PARN: variants seen among roughly 807,000 people sequenced by gnomAD.
PARN encodes poly(A)-specific ribonuclease PARN.
PARN carries 71 observed loss-of-function variants against 102.8 expected under a neutral mutation model. The observed-to-expected ratio is 0.69, with a 90% CI of 0.57 to 0.84. The LOEUF is 0.84. PARN is among the 40% of genes least tolerant of loss of function. PARN has a pLI of 0.00. For missense variants in PARN, 782 were observed against 760.9 expected (o/e 1.03, Z -0.33); for synonymous variants, 261 against 252.9 (o/e 1.03, Z -0.30).
chr16:14,554,012 T>C (rs1245749086), intron 20 of PARN, 53 bp downstream of exon 20: 15 of 1,130,136 alleles, frequency 1.3e-5, no homozygotes, highest in Non-Finnish European at 2.0e-5. Flanking sequence ...TCTGACCACC[T>C]ATACCAAATG....
In PARN at chr16:14,622,840, G is replaced by A. The variant is rs189526210; in HGVS notation, c.327+4266C>T. Among the ~76,000 whole-genome samples, 762 of 152,252 alleles carry A rather than the reference G, an allele frequency of 5.0e-3. 4 individuals are homozygous for A. The highest frequency in any genetic ancestry group is 0.048 in the Middle Eastern group (14 of 294). On this transcript the variant is annotated intron_variant, in intron 5 of 23. Transcript: ENST00000437198. ...CAATGTAAGCCTGGCGCAGTGGTAC[G>A]TGCTTGTAATCCCAGCACTTTGGGA... is the stretch of plus-strand genomic sequence containing the variant.
In PARN at chr16:14,504,649, A is replaced by C. The variant is rs570750792; in HGVS notation, c.1481-21822T>G. On this transcript the variant is annotated intron_variant, in intron 21 of 23. Coordinates refer to ENST00000437198, the MANE Select transcript of PARN (RefSeq NM_002582.4). ...ATACGCTTTCAAAGCAATAATAACC[A>C]AACAAAATATAATCAATAAATTCTC... is the stretch of plus-strand genomic sequence containing the variant. Among the ~76,000 whole-genome samples, 22 of 152,334 alleles carry C rather than the reference A, an allele frequency of 1.4e-4. No individual in the cohort carries two copies. In the South Asian group the frequency reaches 3.3e-3, roughly 23 times the overall value.
intron 5 of PARN, among the ~76,000 whole-genome samples, chr16:14,623,078 T>C (rs1278629128): frequency 1.3e-5 from 2 of 151,526 alleles, no homozygotes; most frequent in Non-Finnish European, 2.9e-5. Flanking sequence ...CACTCTAGCC[T>C]TGGTGACAGA....
intron 22 of PARN, among the ~76,000 whole-genome samples, chr16:14,451,229 T>A (rs1961430482): frequency 6.6e-6 from 1 of 152,218 alleles, no homozygotes; most frequent in Admixed American, 6.5e-5. Flanking sequence ...AAGACCCTAC[T>A]GCCCATCTCC....
intron 2 of PARN, among the ~76,000 whole-genome samples, chr16:14,628,647 T>G (rs1265682475): frequency 1.3e-5 from 2 of 152,226 alleles, no homozygotes; most frequent in Non-Finnish European, 2.9e-5. Context: ...GTGGTTAATA[T>G]CTATGCAAAG....
intron 5 of PARN, among the ~76,000 whole-genome samples, chr16:14,620,792 C>G (rs144645129): frequency 1.3e-5 from 2 of 152,128 alleles, no homozygotes; most frequent in African/African-American, 4.8e-5. Context: ...CTATGGACCA[C>G]GGAATGACTG....
intron 22 of PARN, among the ~76,000 whole-genome samples, chr16:14,475,483 G>A (rs1962990544): frequency 6.6e-6 from 1 of 152,158 alleles, no homozygotes; most frequent in South Asian, 2.1e-4. Flanking sequence ...AGTTTCTCCA[G>A]AACCCAAGCC....
At chr16:14,523,570 G>T (rs1965848358) in intron 21 of PARN, among the ~76,000 whole-genome samples, 1 of 152,194 alleles carries the variant, frequency 6.6e-6, no homozygotes, top group Admixed American at 6.5e-5. Context: ...CACAGTCAGA[G>T]AAGTCTATCC....
At chr16:14,560,262 A>G (rs1967969312) in intron 18 of PARN, among the ~76,000 whole-genome samples, 1 of 152,282 alleles carries the variant, frequency 6.6e-6, no homozygotes, top group South Asian at 2.1e-4. Flanking sequence ...AATCTCTCCC[A>G]GAAGGACTTT....
chr16:14,569,118 A>G (rs978707204), intron 18 of PARN, among the ~76,000 whole-genome samples: 1 of 151,820 alleles, frequency 6.6e-6, no homozygotes, highest in African/African-American at 2.4e-5. Flanking sequence ...AGGCTGAGGC[A>G]TGAGAATTGC....
At chr16:14,536,841 T>G (rs1473715729) in intron 21 of PARN, among the ~76,000 whole-genome samples, 8 of 152,080 alleles carry the variant, frequency 5.3e-5, no homozygotes, top group Admixed American at 5.2e-4. Context: ...ACTATAAAAC[T>G]ACTAGAAGAA....
intron 14 of PARN, among the ~76,000 whole-genome samples, chr16:14,585,731 G>A (rs545993127): frequency 2.6e-5 from 4 of 152,166 alleles, no homozygotes; most frequent in Admixed American, 6.5e-5. Flanking sequence ...AGACAGACAA[G>A]AGCCATCTCA....
chr16:14,469,221 C>T (rs762754199), intron 22 of PARN, among the ~76,000 whole-genome samples: 7 of 151,986 alleles, frequency 4.6e-5, no homozygotes, highest in Admixed American at 1.3e-4. Context: ...CGCTTGAACC[C>T]GGGAGGCGGA....
intron 5 of PARN, among the ~76,000 whole-genome samples, chr16:14,621,222 T>C (rs754830069): frequency 5.3e-5 from 8 of 152,194 alleles, no homozygotes; most frequent in Non-Finnish European, 1.0e-4. Flanking sequence ...GGAGTGTTCT[T>C]ATAACTCTGC....
intron 22 of PARN, among the ~76,000 whole-genome samples, chr16:14,474,929 C>T (rs1242934999): frequency 6.6e-6 from 1 of 152,182 alleles, no homozygotes; most frequent in Admixed American, 6.5e-5. Context: ...TTTTCCTCAC[C>T]TTCTAATGTA....
At chr16:14,563,732 A>T (rs1968254941) in intron 18 of PARN, among the ~76,000 whole-genome samples, 1 of 151,422 alleles carries the variant, frequency 6.6e-6, no homozygotes, top group African/African-American at 2.4e-5. Flanking sequence ...CAATTATATA[A>T]CTAGTATAAT....
At chr16:14,558,425 G>A (rs1220006816) in intron 18 of PARN, 1 of 152,080 alleles carries the variant, frequency 6.6e-6, no homozygotes, top group Non-Finnish European at 1.5e-5. Context: ...TTGAACCCAG[G>A]AGGCAGAAGT....
intron 6 of PARN, among the ~76,000 whole-genome samples, chr16:14,614,060 C>G (rs578258409): frequency 1.1e-4 from 16 of 152,182 alleles, no homozygotes; most frequent in African/African-American, 3.9e-4. Flanking sequence ...AGTTTGAGAC[C>G]AGCCTGGACA....
chr16:14,470,437 GATTATTATTATT>G (rs56768991), intron 22 of PARN, among the ~76,000 whole-genome samples: 153 of 147,154 alleles, frequency 1.0e-3, no homozygotes, highest in African/African-American at 2.7e-3. Flanking sequence ...GAGTTTGGAT[GATTATTATTATT>G]ATTATTATTA....
Sources: gnomAD v4.1 joint callset for allele counts (sites outside exome capture counted in the v4.1 genomes callset) on GRCh38, gnomAD v4.1.1 for gene constraint, MANE v1.5 for transcripts, NCBI Gene and HGNC (gene_info 2026-07-23, HGNC 2026-07-21) for gene names.